Variants in GNAQ observed in about 807,000 individuals in gnomAD.
The protein encoded by GNAQ is guanine nucleotide-binding protein G(q) subunit alpha.
A neutral mutation model predicts 43.9 loss-of-function variants in GNAQ; 8 were observed. That is an observed-to-expected ratio of 0.18 (90% CI 0.11 to 0.33). The LOEUF (loss-of-function observed/expected upper bound fraction) is 0.33, where lower values mean the gene tolerates loss of function less well. Ranked by LOEUF, GNAQ falls within the 10% of genes least tolerant of loss-of-function variation. The probability of loss-of-function intolerance (pLI) is 1.00; values close to 1 mark genes in which losing one functional copy is unlikely to be tolerated. For synonymous variants in GNAQ, 155 were observed against 170.7 expected, an observed-to-expected ratio of 0.91 and a Z score of 0.71; for missense variants, 158 against 450.8, an observed-to-expected ratio of 0.35 and a Z score of 5.88.
At chr9:77,985,310 C>T (rs1717013534) in intron 1 of GNAQ, among the ~76,000 whole-genome samples, 1 of 152,152 alleles carries the variant, frequency 6.6e-6, no homozygotes, top group African/African-American at 2.4e-5. Flanking sequence ...GAGACTCCAT[C>T]TCAGAAAAAC....
chr9:77,957,926 TAAAG>T (rs1040665011), intron 1 of GNAQ, among the ~76,000 whole-genome samples: 2 of 152,206 alleles, frequency 1.3e-5, no homozygotes, highest in Admixed American at 1.3e-4. Context: ...TGTGGCAACT[TAAAG>T]AAGAGACACA....
intron 5 of GNAQ, among the ~76,000 whole-genome samples, chr9:77,744,636 G>A (rs1825703961): frequency 6.6e-6 from 1 of 152,094 alleles, no homozygotes; most frequent in South Asian, 2.1e-4. Flanking sequence ...AAAATGGGGT[G>A]GGTAGAGGAT....
chr9:77,999,677 T>C (rs983340696), intron 1 of GNAQ, among the ~76,000 whole-genome samples: 3 of 152,238 alleles, frequency 2.0e-5, no homozygotes, highest in African/African-American at 7.2e-5. Flanking sequence ...TGACCATCTA[T>C]GCTGGGCCTA....
At chr9:77,778,854 G>A (rs1217283103) in intron 5 of GNAQ, among the ~76,000 whole-genome samples, 1 of 151,822 alleles carries the variant, frequency 6.6e-6, no homozygotes, top group African/African-American at 2.4e-5. Flanking sequence ...TAATGATAAC[G>A]GGGTCAATTC....
At chr9:77,815,831 G>A (rs2118511167) in intron 2 of GNAQ, 61 bp from the exon 3 acceptor site, 1 of 1,122,264 alleles carries the variant, frequency 8.9e-7, no homozygotes, top group Non-Finnish European at 1.3e-6. Context: ...TCTTTGCTTT[G>A]CATATTACAT....
At chr9:77,768,797 G>A (rs1428781739) in intron 5 of GNAQ, among the ~76,000 whole-genome samples, 1 of 152,152 alleles carries the variant, frequency 6.6e-6, no homozygotes, top group African/African-American at 2.4e-5. Flanking sequence ...GTCTTAGACT[G>A]GGCTACTGAA....
At chr9:77,776,843 C>T (rs1826312783) in intron 5 of GNAQ, among the ~76,000 whole-genome samples, 1 of 151,260 alleles carries the variant, frequency 6.6e-6, no homozygotes, top group South Asian at 2.1e-4. Flanking sequence ...TCAACATCAT[C>T]CCTATCAAAT....
intron 1 of GNAQ, among the ~76,000 whole-genome samples, chr9:78,024,280 G>A (rs115160805): frequency 1.4e-3 from 213 of 152,216 alleles, no homozygotes; most frequent in African/African-American, 4.9e-3. Context: ...CTTTCACTGT[G>A]CGCCCGGTGG....
At chr9:77,885,559 T>C (rs1249944790) in intron 2 of GNAQ, among the ~76,000 whole-genome samples, 1 of 152,196 alleles carries the variant, frequency 6.6e-6, no homozygotes, top group Non-Finnish European at 1.5e-5. Context: ...TCTGTTTAAC[T>C]TTCCCAGTAG....
intron 3 of GNAQ, among the ~76,000 whole-genome samples, chr9:77,803,617 G>A (rs1282115697): frequency 6.6e-6 from 1 of 152,214 alleles, no homozygotes; most frequent in Non-Finnish European, 1.5e-5. Context: ...TATGGTAGAT[G>A]CTACAGATAG....
chr9:77,819,965 C>T (rs1827086235), intron 2 of GNAQ, among the ~76,000 whole-genome samples: 1 of 151,732 alleles, frequency 6.6e-6, no homozygotes, highest in Non-Finnish European at 1.5e-5. Flanking sequence ...CTAATTACCT[C>T]CCTCTCATAA....
intron 3 of GNAQ, among the ~76,000 whole-genome samples, chr9:77,809,987 T>C (rs1826891820): frequency 6.6e-6 from 1 of 152,208 alleles, no homozygotes; most frequent in Non-Finnish European, 1.5e-5. Context: ...TAAGTTTTCA[T>C]AATGATAACC....
intron 2 of GNAQ, among the ~76,000 whole-genome samples, chr9:77,892,715 C>T (rs1828424814): frequency 1.3e-5 from 2 of 152,144 alleles, no homozygotes; most frequent in Admixed American, 6.5e-5. Context: ...ACATATGCTA[C>T]TCATTCTCAC....
chr9:77,962,095 C>G (rs943346010), intron 1 of GNAQ, among the ~76,000 whole-genome samples: 2 of 151,778 alleles, frequency 1.3e-5, no homozygotes, highest in Non-Finnish European at 2.9e-5. Flanking sequence ...ATATGTGAAC[C>G]TGATGACACA....
At chr9:77,774,587 T>C (rs1039463601) in intron 5 of GNAQ, among the ~76,000 whole-genome samples, 7 of 152,164 alleles carry the variant, frequency 4.6e-5, no homozygotes, top group South Asian at 4.1e-4. Flanking sequence ...TTGGCCTCCC[T>C]AGTAGCTAAG....
intron 2 of GNAQ, among the ~76,000 whole-genome samples, chr9:77,848,610 G>C (rs1827622999): frequency 6.6e-6 from 1 of 152,242 alleles, no homozygotes; most frequent in Non-Finnish European, 1.5e-5. Flanking sequence ...AGAACAATTG[G>C]TCTCATTGCC....
At chr9:77,941,627 G>T (rs1023121526) in intron 1 of GNAQ, among the ~76,000 whole-genome samples, 1 of 152,080 alleles carries the variant, frequency 6.6e-6, no homozygotes, top group African/African-American at 2.4e-5. Flanking sequence ...CCAAGGAAAT[G>T]CTCATGTATG....
chr9:77,869,215 GA>G (rs1827997321), intron 2 of GNAQ, among the ~76,000 whole-genome samples: 1 of 152,050 alleles, frequency 6.6e-6, no homozygotes, highest in African/African-American at 2.4e-5. Flanking sequence ...TGACATTCTA[GA>G]GGGGAAATTT....
In GNAQ at chr9:77,899,980, C is replaced by G. The variant is rs1369541259; in HGVS notation, c.321+22181G>C. Among the ~76,000 whole-genome samples the G allele has an allele frequency of 2.6e-5, 4 of 152,116 alleles. No homozygotes were observed. In the East Asian group the frequency reaches 7.7e-4, roughly 29 times the overall value. Reference sequence around the variant, plus strand: ...ACAATATGCCCTTTAAATTTTGTTACCTGCTGCCAACCTGTCCACTCTGGG... The same window carrying G: ...ACAATATGCCCTTTAAATTTTGTTAGCTGCTGCCAACCTGTCCACTCTGGG... On this transcript the variant is annotated intron_variant, in intron 2 of 6. Transcript: ENST00000286548.
Sources: gnomAD v4.1 joint callset for allele counts (sites outside exome capture counted in the v4.1 genomes callset) on GRCh38, gnomAD v4.1.1 for gene constraint, MANE v1.5 for transcripts, NCBI Gene and HGNC (gene_info 2026-07-23, HGNC 2026-07-21) for gene names.